The following CC2D1A variants were observed in gnomAD, a reference collection of about 807,000 sequenced individuals.
CC2D1A encodes coiled-coil and C2 domain-containing protein 1A.
Under a neutral mutation model 123.8 loss-of-function variants are expected in CC2D1A, and 68 were observed. That is an observed-to-expected ratio of 0.55 (90% CI 0.45 to 0.67). The LOEUF (loss-of-function observed/expected upper bound fraction) is 0.67. CC2D1A is among the 30% of genes least tolerant of loss of function. CC2D1A has a pLI of 0.00. For synonymous variants in CC2D1A, 477 were observed against 528.0 expected, an observed-to-expected ratio of 0.90 and a Z score of 1.32; for missense variants, 1,185 against 1,290.3, an observed-to-expected ratio of 0.92 and a Z score of 1.25.
In CC2D1A at chr19:13,906,608, A is replaced by G. The variant is rs1462846825; in HGVS notation, c.60+107A>G. The G allele has an allele frequency of 1.5e-6, 1 of 649,488 alleles. No homozygotes were observed. Among genetic ancestry groups the G allele is most frequent in the Non-Finnish European group, 2.4e-6 (1 of 414,106 alleles). The allele number at this position is 649,488 out of a possible 1,614,324, so 40.2% of individuals were successfully genotyped here. On this transcript the variant is annotated intron_variant, in intron 1 of 28. Transcript: ENST00000318003. The surrounding 1 kb of genome is among the most constrained non-coding windows in gnomAD (Gnocchi z 4.1). ...GAAGCCCGATCTCCGCCCCACAGGT[A>G]AGCCCCGGTCCCCGCCTCCCCCCAG... is the stretch of plus-strand genomic sequence containing the variant.
intron 1 of CC2D1A, 116 bp from the exon 2 acceptor site, chr19:13,909,707 T>A: frequency 7.4e-7 from 1 of 1,352,884 alleles, no homozygotes; most frequent in Non-Finnish European, 1.1e-6. Context: ...CCCAGGGAAA[T>A]GGCTTTCCCT....
chr19:13,924,714 C>T (rs1356662553), intron 17 of CC2D1A, among the ~76,000 whole-genome samples: 1 of 152,212 alleles, frequency 6.6e-6, no homozygotes, highest in South Asian at 2.1e-4. Flanking sequence ...CTGCCTTGGC[C>T]TCCCAAAATT....
At chr19:13,911,546 T>TG (rs1030208370) in intron 2 of CC2D1A, among the ~76,000 whole-genome samples, 38 of 105,508 alleles carry the variant, frequency 3.6e-4, no homozygotes, top group African/African-American at 1.7e-3. Context: ...TGTGTGTGTG[T>TG]TTTTTTTTTT....
chr19:13,929,711 A>T, intron 26 of CC2D1A, 51 bp downstream of exon 26: 2 of 479,550 alleles, frequency 4.2e-6, no homozygotes, highest in Non-Finnish European at 6.6e-6. Context: ...CAGGATAGGC[A>T]TGGGGGGGGA....
In CC2D1A at chr19:13,913,184, C is replaced by G. The variant is rs753687541; in HGVS notation, c.395C>G (p.Pro132Arg). The G allele has an allele frequency of 5.0e-6, 8 of 1,611,296 alleles. No individual in the cohort carries two copies. The South Asian group carries it at 7.7e-5, about 16-fold the overall frequency. Residue 132 changes from proline to arginine, a missense_variant, in exon 5 of 29, where the codon CCT (proline) becomes CGT (arginine). Coordinates refer to ENST00000318003, the MANE Select transcript of CC2D1A (RefSeq NM_017721.5). ...PPVAQPKPEA[P>R]HPGLETTLQE... Reference sequence around the variant, plus strand: ...CTCCCACAGCCGAAGCCTGAGGCCCCTCATCCGGGGCTGGAGACCACCTTG... The same window carrying G: ...CTCCCACAGCCGAAGCCTGAGGCCCGTCATCCGGGGCTGGAGACCACCTTG...
rs182161022 is a variant in CC2D1A at position 13,922,092 on chromosome 19, C to T, written c.1641+1170C>T. On this transcript the variant is annotated intron_variant, in intron 14 of 28. Transcript: ENST00000318003. ...CCTCAGCTCACTGCAACCTCTACCTCCCAGGCTCAAGCGATTCTCCTGCCT... is the reference window on the plus strand; with the variant it reads ...CCTCAGCTCACTGCAACCTCTACCTTCCAGGCTCAAGCGATTCTCCTGCCT... Among the ~76,000 whole-genome samples, 1,157 of 152,320 alleles carry T rather than the reference C, an allele frequency of 7.6e-3. 9 individuals are homozygous for T. The highest frequency in any genetic ancestry group is 0.024 in the Middle Eastern group (7 of 294).
At chr19:13,921,326 C>G (rs1359416466) in intron 14 of CC2D1A, among the ~76,000 whole-genome samples, 1 of 152,066 alleles carries the variant, frequency 6.6e-6, no homozygotes, top group African/African-American at 2.4e-5. Context: ...CACATTTAGC[C>G]ACAGAGGAGG....
intron 2 of CC2D1A, among the ~76,000 whole-genome samples, chr19:13,910,923 AAGAG>A (rs2030336413): frequency 1.4e-5 from 2 of 140,284 alleles, no homozygotes; most frequent in Admixed American, 7.3e-5. Context: ...AAAAACAAAA[AAGAG>A]AGAAGCTTCA....
rs199825814 is a variant in CC2D1A, at chr19:13,923,776, C to T, written c.1905C>T (p.Thr635=). 1.2e-5 allele frequency: 19 copies of T among 1,614,112 alleles called. No individual in the cohort carries two copies. Among genetic ancestry groups the T allele is most frequent in the African/African-American group, 5.3e-5 (4 of 75,070 alleles). Residue 635 remains threonine (T), a synonymous_variant, in exon 17 of 29, where the codon ACC becomes ACT. Coordinates refer to ENST00000318003, the MANE Select transcript of CC2D1A (RefSeq NM_017721.5). This position sits in a 1 kb window ranked among gnomAD's most constrained non-coding sequence, Gnocchi z 5.3. Reference sequence around the variant, plus strand: ...TCGTCCGGGGTCTCCCCACGCCCACCGCCCGCTTTGAGCAAAGGACCTTCA... The same window carrying T: ...TCGTCCGGGGTCTCCCCACGCCCACTGCCCGCTTTGAGCAAAGGACCTTCA... ...QAFVRGLPTP[T]ARFEQRTFSV... is the part of the protein sequence containing the mutation.
Position 13,930,398 on chromosome 19 carries a change from A to T in CC2D1A, c.*3A>T. On this transcript the variant is annotated 3_prime_UTR_variant, in exon 29 of 29. Coordinates refer to ENST00000318003, the MANE Select transcript of CC2D1A (RefSeq NM_017721.5). The surrounding 1 kb of genome is among the most constrained non-coding windows in gnomAD (Gnocchi z 6.8). ...AGCTGCAGCGGCTCCGCAGGTGAGG[A>T]GCCCATGGGGCGGGCAGCCCCCAGA... 1 of 1,609,084 alleles carries T rather than the reference A, an allele frequency of 6.2e-7. No homozygotes were observed. Among genetic ancestry groups the T allele is most frequent in the Non-Finnish European group, 8.5e-7 (1 of 1,177,302 alleles).
At position 13,920,538 on chromosome 19, in the gene CC2D1A, C is replaced by T; in HGVS notation, c.1357-19C>T. 1 of 1,435,356 alleles carries T rather than the reference C, an allele frequency of 7.0e-7. No homozygotes were observed. 88.9% of individuals were successfully genotyped at this position (1,435,356 alleles called of 1,614,324 possible). ...ACAGGCGCTACGAAATCTCTAACATCCTCTCTCTTCCTCTACAGCAGAACA... is the reference window on the plus strand; with the variant it reads ...ACAGGCGCTACGAAATCTCTAACATTCTCTCTCTTCCTCTACAGCAGAACA... On this transcript the variant is annotated intron_variant, in intron 12 of 28. Transcript: ENST00000318003.
At chr19:13,920,465 AC>A (rs1348394759) in intron 12 of CC2D1A, 91 bp from the exon 13 acceptor site, 5 of 792,912 alleles carry the variant, frequency 6.3e-6, no homozygotes, top group African/African-American at 1.7e-5. Flanking sequence ...CCACTAAATG[AC>A]CACTGTTGTC....
intron 24 of CC2D1A, among the ~76,000 whole-genome samples, 157 bp from the exon 25 acceptor site, chr19:13,929,222 G>A (rs1971766946): frequency 6.6e-6 from 1 of 151,812 alleles, no homozygotes; most frequent in South Asian, 2.1e-4. Flanking sequence ...GGCCAGGCTG[G>A]TCTCGAACTC....
At chr19:13,913,966 C>T (rs1971112414) in intron 6 of CC2D1A, among the ~76,000 whole-genome samples, 1 of 151,978 alleles carries the variant, frequency 6.6e-6, no homozygotes, top group South Asian at 2.1e-4. Flanking sequence ...ATTACAACCT[C>T]CACCTCCCAA....
intron 26 of CC2D1A, 152 bp from the exon 27 acceptor site, chr19:13,929,926 G>T (rs1421743058): frequency 3.4e-5 from 20 of 579,882 alleles, no homozygotes; most frequent in Non-Finnish European, 5.2e-5. Context: ...GGCACCTGGA[G>T]GGGGAGGGGC....
At chr19:13,918,023 C>T (rs1971268505) in intron 6 of CC2D1A, 47 bp from the exon 7 acceptor site, 1 of 1,598,296 alleles carries the variant, frequency 6.3e-7, no homozygotes, top group African/African-American at 1.4e-5. Flanking sequence ...ACACGGTGAA[C>T]TTGGCCCAGG....
chr19:13,920,973 C>G, intron 14 of CC2D1A, 51 bp downstream of exon 14: 1 of 1,529,810 alleles, frequency 6.5e-7, no homozygotes, highest in Middle Eastern at 2.0e-4. Flanking sequence ...TTGTCAGGCT[C>G]CTGCCCCTTA....
At chr19:13,926,047 CGTATATATATGTAT>C (rs1568419056) in intron 17 of CC2D1A, among the ~76,000 whole-genome samples, 25 of 61,062 alleles carry the variant, frequency 4.1e-4, no homozygotes, top group African/African-American at 1.8e-3. Context: ...TATATATACA[CGTATATATATGTAT>C]ATATACACAC....
At position 13,918,903 on chromosome 19, in the gene CC2D1A, C is replaced by A; in HGVS notation, c.1019-9C>A. 6.2e-7 allele frequency: 1 copy of A among 1,608,104 alleles called. No individual in the cohort carries two copies. ...TTGACTCTTAACCTTGTCCCCCTGT[C>A]CGGCCCAGAGGTGCCCCCACCCCCG... On this transcript the variant is annotated splice_polypyrimidine_tract_variant and intron_variant, in intron 9 of 28. Coordinates refer to ENST00000318003, the MANE Select transcript of CC2D1A (RefSeq NM_017721.5).
Sources: gnomAD v4.1 joint callset for allele counts (sites outside exome capture counted in the v4.1 genomes callset) on GRCh38, gnomAD v4.1.1 for gene constraint, Gnocchi (gnomAD v3.1) non-coding constraint, MANE v1.5 for transcripts, NCBI Gene and HGNC (gene_info 2026-07-23, HGNC 2026-07-21) for gene names.